SHANK1: variants seen among roughly 807,000 people sequenced by gnomAD.
The protein encoded by SHANK1 is SH3 and multiple ankyrin repeat domains protein 1.
SHANK1 carries 35 observed loss-of-function variants against 165.6 expected under a neutral mutation model. The observed-to-expected ratio is 0.21, with a 90% CI of 0.16 to 0.28. The LOEUF (loss-of-function observed/expected upper bound fraction) is 0.28. Among genes scored for constraint, SHANK1 ranks in the 10% least tolerant of loss-of-function variants. The pLI, the probability that SHANK1 is intolerant of heterozygous loss-of-function variation, is 1.00. For missense variants in SHANK1, 2,681 were observed against 3,036.4 expected, an observed-to-expected ratio of 0.88 and a Z score of 2.75; for synonymous variants, 1,428 against 1,384.8, an observed-to-expected ratio of 1.03 and a Z score of -0.69.
chr19:50,687,548 C>G (rs1185251357), intron 19 of SHANK1, 34 bp downstream of exon 19: 6 of 1,521,848 alleles, frequency 3.9e-6, no homozygotes, highest in East Asian at 2.5e-5. Flanking sequence ...CCTCTCCCCC[C>G]GGCCCCCTGG....
Position 50,666,489 on chromosome 19 carries a change from G to C in SHANK1, c.5471C>G (p.Pro1824Arg), listed in dbSNP as rs755137324. 1.3e-6 allele frequency: 2 copies of C among 1,596,668 alleles called. No homozygotes were observed. Among genetic ancestry groups the C allele is most frequent in the Admixed American group, 1.7e-5 (1 of 57,542 alleles). The change falls in exon 23 of 24, where the codon CCG becomes CGG. Residue 1824 changes from proline to arginine, a missense_variant. Pro to Arg is a moderately radical substitution (Grantham distance 103). Around this residue, in one of 10 missense-constraint regions of SHANK1, gnomAD observed 1,713 missense variants for 1,630.2 expected, o/e 1.05. Transcript: ENST00000293441. ...AGAGGAGGCCGTCGGCAAGGGCACC[G>C]GTGGGACTTCTGGCTCTACAGCCAC... ...GPVAVEPEVP[P>R]VPLPTASSLP...
At position 50,662,446 on chromosome 19, in the gene SHANK1, G is replaced by A. The variant is rs372345672; in HGVS notation, c.6005C>T (p.Ser2002Leu). Residue 2002 changes from serine (S) to leucine (L), a missense_variant, in exon 24 of 24, where the codon TCG (serine) becomes TTG (leucine). Physicochemically the swap from Ser to Leu is moderately radical, Grantham distance 145. This residue lies in a region of SHANK1 where 1,713 missense variants were observed against 1,630.2 expected (regional missense o/e 1.05). Transcript: ENST00000293441. The surrounding 1 kb of genome is among the most constrained non-coding windows in gnomAD (Gnocchi z 7.7). ...CTTGTGCTCCGAGGCGGGCAGCAGC[G>A]AGGGGCTGGGGGCCCGGCGGAGCAG... is the stretch of plus-strand genomic sequence containing the variant. ...PPLLRRAPSP[S>L]LLPASEHKVS... is the part of the protein sequence containing the mutation. 35 of 1,552,282 alleles carry A rather than the reference G, an allele frequency of 2.3e-5. No individual in the cohort carries two copies. The highest frequency in any genetic ancestry group is 4.6e-5 in the East Asian group (2 of 43,158).
chr19:50,670,617 C>A lies in SHANK1; in HGVS notation c.2675-1332G>T, dbSNP rs1985754069. Reference sequence around the variant, plus strand: ...CCTGCAGGATCGGGACCCTGTCCCCCCACTGCCCTCATGTCCAGTGCTCAC... The same window carrying A: ...CCTGCAGGATCGGGACCCTGTCCCCACACTGCCCTCATGTCCAGTGCTCAC... On this transcript the variant is annotated intron_variant, in intron 22 of 23. Transcript: ENST00000293441. The surrounding 1 kb of genome is among the most constrained non-coding windows in gnomAD (Gnocchi z 4.1). 6.6e-6 allele frequency among the ~76,000 whole-genome samples: 1 copy of A among 151,128 alleles called. No homozygotes were observed. Among genetic ancestry groups the A allele is most frequent in the Non-Finnish European group, 1.5e-5 (1 of 67,660 alleles).
In SHANK1 at chr19:50,703,851, C is replaced by CG. The variant is rs2088903019; in HGVS notation, c.1223-22dup. ...GGGCACTGAGAGGGCACAGTGGCGG[C>CG]GGGGGGCAGATGTTAGGGGAGAAAA... is the stretch of plus-strand genomic sequence containing the variant. On this transcript the variant is annotated intron_variant, in intron 10 of 23. Coordinates refer to ENST00000293441, the MANE Select transcript of SHANK1 (RefSeq NM_016148.5). The CG allele has an allele frequency of 7.6e-6, 9 of 1,180,906 alleles. No individual in the cohort carries two copies. In the East Asian group the frequency reaches 8.0e-5, roughly 11 times the overall value. 73.2% of individuals were successfully genotyped at this position (1,180,906 alleles called of 1,614,324 possible).
rs1264966266 is a variant in SHANK1, at chr19:50,668,890, G to A, written c.3070C>T (p.Pro1024Ser). ...HHHHAHPPHP[P>S]EMETGGSPDD... ...GGAGAGCCGCCTGTCTCCATCTCGG[G>A]AGGATGAGGGGGGTGGGCGTGGTGG... Residue 1024 changes from proline (P) to serine (S), a missense_variant, in exon 23 of 24, where the codon CCC (proline) becomes TCC (serine). This residue lies in a region of SHANK1 where 1,713 missense variants were observed against 1,630.2 expected (regional missense o/e 1.05). Transcript: ENST00000293441. 3.1e-6 allele frequency: 4 copies of A among 1,287,208 alleles called. No homozygotes were observed. The highest frequency in any genetic ancestry group is 1.6e-5 in the African/African-American group (1 of 62,196). 79.7% of individuals were successfully genotyped at this position (1,287,208 alleles called of 1,614,324 possible). A position where few individuals can be genotyped will look rare whatever the true frequency, so the allele number is the denominator to read the frequency against.
At chr19:50,704,086 G>T (rs1235921934) in intron 10 of SHANK1, 34 bp downstream of exon 10, 1 of 1,608,350 alleles carries the variant, frequency 6.2e-7, no homozygotes, top group Admixed American at 1.7e-5. Context: ...ACCGCCCCAG[G>T]TTCTCTGTGC....
intron 21 of SHANK1, among the ~76,000 whole-genome samples, chr19:50,679,373 G>A (rs1352564590): frequency 6.6e-6 from 1 of 151,848 alleles, no homozygotes; most frequent in East Asian, 1.9e-4. Flanking sequence ...GGAAGAAGAA[G>A]GGACAAAAAT....
chr19:50,688,937 G>T lies in SHANK1; in HGVS notation c.2079C>A (p.Thr693=), dbSNP rs958954807. 1 of 1,557,372 alleles carries T rather than the reference G, an allele frequency of 6.4e-7. No homozygotes were observed. The highest frequency in any genetic ancestry group is 8.7e-7 in the Non-Finnish European group (1 of 1,149,926). Reference sequence around the variant, plus strand: ...GGTACTGCAGCGCCGGGAAGGCCGGGGTGGGGGTGAACTCCTCGATGGGGG... The same window carrying T: ...GGTACTGCAGCGCCGGGAAGGCCGGTGTGGGGGTGAACTCCTCGATGGGGG... ...AQTPIEEFTP[T]PAFPALQYLE... Residue 693 remains threonine, a synonymous_variant, in exon 17 of 24, where the codon ACC becomes ACA. Coordinates refer to ENST00000293441, the MANE Select transcript of SHANK1 (RefSeq NM_016148.5). This position sits in a 1 kb window ranked among gnomAD's most constrained non-coding sequence, Gnocchi z 6.7.
chr19:50,697,823 T>C lies in SHANK1; in HGVS notation c.1861+20A>G, dbSNP rs1381879264. 1 of 1,598,598 alleles carries C rather than the reference T, an allele frequency of 6.3e-7. No individual in the cohort carries two copies. The highest frequency in any genetic ancestry group is 8.6e-7 in the Non-Finnish European group (1 of 1,166,652). The stretch of plus-strand genomic sequence containing the variant: ...GGGAATCCTAGGGTCCATTGAACAC[T>C]GCTGGGGGTTCCGCATTACCTTGCT... On this transcript the variant is annotated intron_variant, in intron 13 of 23. Coordinates refer to ENST00000293441, the MANE Select transcript of SHANK1 (RefSeq NM_016148.5). The surrounding 1 kb of genome is among the most constrained non-coding windows in gnomAD (Gnocchi z 4.7).
chr19:50,713,916 C>G lies in SHANK1; in HGVS notation c.674G>C (p.Gly225Ala). 2 of 1,613,832 alleles carry G rather than the reference C, an allele frequency of 1.2e-6. No individual in the cohort carries two copies. Among genetic ancestry groups the G allele is most frequent in the Non-Finnish European group, 1.7e-6 (2 of 1,179,894 alleles). ...CAGGGTTCGAATCACCTCTACAGAG[C>G]CTTCGGTCTGGGCCGCCAGTGTCAA... Reference protein sequence around the residue: ...TPLTLAAQTEGSVEVIRTLCL... With the variant: ...TPLTLAAQTEASVEVIRTLCL... Residue 225 changes from glycine (G) to alanine (A), a missense_variant, in exon 6 of 24, where the codon GGC (glycine) becomes GCC (alanine). By Grantham distance (60) the Gly-to-Ala change is moderately conservative. Coordinates refer to ENST00000293441, the MANE Select transcript of SHANK1 (RefSeq NM_016148.5). The surrounding 1 kb of genome is among the most constrained non-coding windows in gnomAD (Gnocchi z 6.2).
At chr19:50,687,689 A>C in intron 18 of SHANK1, 27 bp from the exon 19 acceptor site, 2 of 1,459,888 alleles carry the variant, frequency 1.4e-6, no homozygotes, top group South Asian at 2.9e-5. Context: ...GGGAGGCATC[A>C]GTATCATGGG....
Position 50,689,251 on chromosome 19 carries a change from A to G in SHANK1, c.1993T>C (p.Leu665=), listed in dbSNP as rs116996922. The G allele has an allele frequency of 6.2e-3, 10,014 of 1,611,112 alleles. 49 individuals carry two copies. The highest frequency in any genetic ancestry group is 7.6e-3 in the Non-Finnish European group (8,950 of 1,178,722). Residue 665 remains leucine, a synonymous_variant, in exon 16 of 24, where the codon TTG becomes CTG. Coordinates refer to ENST00000293441, the MANE Select transcript of SHANK1 (RefSeq NM_016148.5). ...CCCTCACTGTCCTTCTTCTGCAGCA[A>G]GACTGTCTTCTCCTTAATGATGTAA... ...SDYIIKEKTV[L]LQKKDSEGFG...
chr19:50,668,075 G>A lies in SHANK1; in HGVS notation c.3885C>T (p.Ala1295=). ...CAGACTCCAGTCGGAGGTAGGGCTC[G>A]GCGGAGAACATGCCCTCGTCGATGG... ...SKSIDEGMFS[A]EPYLRLESAG... Residue 1295 remains alanine (A), a synonymous_variant, in exon 23 of 24, where the codon GCC becomes GCT. Transcript: ENST00000293441. The A allele has an allele frequency of 6.8e-7, 1 of 1,480,348 alleles. No homozygotes were observed. Among genetic ancestry groups the A allele is most frequent in the Non-Finnish European group, 8.9e-7 (1 of 1,120,612 alleles). The allele number at this position is 1,480,348 out of a possible 1,614,324, so 91.7% of individuals were successfully genotyped here.
chr19:50,701,881 C>A (rs576914332), intron 12 of SHANK1, among the ~76,000 whole-genome samples: 30 of 152,294 alleles, frequency 2.0e-4, no homozygotes, highest in Middle Eastern at 3.4e-3. Flanking sequence ...GTGGAAAAAC[C>A]AAAGGGAGGT....
chr19:50,661,777 T>A lies in SHANK1; in HGVS notation c.*188A>T. ...CACACTCTTGTGTCAGCTGCCCCCC[T>A]TCAGTGAGGTGCAAATGTCCGGCCT... On this transcript the variant is annotated 3_prime_UTR_variant, in exon 24 of 24. Coordinates refer to ENST00000293441, the MANE Select transcript of SHANK1 (RefSeq NM_016148.5). The A allele has an allele frequency of 1.6e-6, 1 of 610,948 alleles. No individual in the cohort carries two copies. The highest frequency in any genetic ancestry group is 2.9e-6 in the Non-Finnish European group (1 of 347,998). The allele number at this position is 610,948 out of a possible 1,614,324, so 37.8% of individuals were successfully genotyped here. A position where few individuals can be genotyped will look rare whatever the true frequency, so the allele number is the denominator to read the frequency against.
At chr19:50,675,820 G>A (rs756592083) in intron 21 of SHANK1, among the ~76,000 whole-genome samples, 2 of 152,104 alleles carry the variant, frequency 1.3e-5, no homozygotes, top group African/African-American at 2.4e-5. Context: ...TGACCAACAT[G>A]GTGAAACCCC....
rs1440768782 is a variant in SHANK1, at chr19:50,686,015, G to A, written c.2577+222C>T. Among the ~76,000 whole-genome samples, 2 of 151,706 alleles carry A rather than the reference G, an allele frequency of 1.3e-5. No homozygotes were observed. Among genetic ancestry groups the A allele is most frequent in the Non-Finnish European group, 2.9e-5 (2 of 67,872 alleles). The stretch of plus-strand genomic sequence containing the variant: ...AAGTATAATAGCAGGGGTGGAAAGT[G>A]GAGAGAGAAAAGGACAGAGATGGGA... On this transcript the variant is annotated intron_variant, in intron 21 of 23. Transcript: ENST00000293441. This position sits in a 1 kb window ranked among gnomAD's most constrained non-coding sequence, Gnocchi z 5.7.
Position 50,717,223 on chromosome 19 carries a change from C to T in SHANK1, c.-43-261G>A, listed in dbSNP as rs958310529. On this transcript the variant is annotated intron_variant, in intron 1 of 23. Coordinates refer to ENST00000293441, the MANE Select transcript of SHANK1 (RefSeq NM_016148.5). This position sits in a 1 kb window ranked among gnomAD's most constrained non-coding sequence, Gnocchi z 5.5. ...GGCCCCGCTTGCAGCCCGCCCCCTG[C>T]GCCCCACTTTGCTGGTGACCCAGCG... Among the ~76,000 whole-genome samples, 4 of 152,224 alleles carry T rather than the reference C, an allele frequency of 2.6e-5. No individual in the cohort carries two copies. Among genetic ancestry groups the T allele is most frequent in the South Asian group, 2.1e-4 (1 of 4,834 alleles).
chr19:50,718,894 T>G lies in SHANK1; in HGVS notation c.-44+512A>C, dbSNP rs1466525028. 3.7e-5 allele frequency among the ~76,000 whole-genome samples: 5 copies of G among 134,674 alleles called. No homozygotes were observed. The highest frequency in any genetic ancestry group is 2.5e-4 in the South Asian group (1 of 4,020). 88.4% of individuals were successfully genotyped at this position (134,674 alleles called of 152,430 possible). On this transcript the variant is annotated intron_variant, in intron 1 of 23. Transcript: ENST00000293441. The surrounding 1 kb of genome is among the most constrained non-coding windows in gnomAD (Gnocchi z 5.1). ...GGCGGTGTAGGGACTGGAGACCTGG[T>G]GGGGACGCAGGGAGCTTGGACAGGG...
Sources: gnomAD v4.1 joint callset for allele counts (sites outside exome capture counted in the v4.1 genomes callset) on GRCh38, gnomAD v4.1.1 for gene constraint, gnomAD v4.1.1 regional missense constraint, Gnocchi (gnomAD v3.1) non-coding constraint, MANE v1.5 for transcripts, NCBI Gene and HGNC (gene_info 2026-07-23, HGNC 2026-07-21) for gene names.